Variants in MTMR8 observed in about 807,000 individuals in gnomAD.
MTMR8 encodes myotubularin related protein 8, also known as phosphatidylinositol-3,5-bisphosphate 3-phosphatase MTMR8.
A neutral mutation model predicts 39.3 loss-of-function variants in MTMR8; 65 were observed. That is an observed-to-expected ratio of 1.65 (90% CI 1.35 to 2.03). The LOEUF is 2.03. Ranked by LOEUF, MTMR8 falls within the 30% of genes most tolerant of loss-of-function variation. The pLI is 0.00. For synonymous variants in MTMR8, 245 were observed against 185.2 expected (o/e 1.32, Z -2.62); for missense variants, 777 against 538.9 (o/e 1.44, Z -4.37).
At chrX:64,387,873 A>T (rs1010551463) in intron 1 of MTMR8, among the ~76,000 whole-genome samples, 2 of 110,278 alleles carry the variant, frequency 1.8e-5, no homozygotes, top group Non-Finnish European at 3.8e-5. Context: ...AGATGAAAAA[A>T]GAGAGAAAAG....
At chrX:64,277,949 C>T (rs774337349) in intron 12 of MTMR8, among the ~76,000 whole-genome samples, 1 of 109,420 alleles carries the variant, frequency 9.1e-6, no homozygotes, top group East Asian at 2.9e-4. Context: ...TTTCTCTAAT[C>T]TTGTCTTCCT....
intron 4 of MTMR8, among the ~76,000 whole-genome samples, chrX:64,350,432 T>C (rs1336903970): frequency 8.9e-6 from 1 of 111,802 alleles, no homozygotes; most frequent in Non-Finnish European, 1.9e-5. Context: ...TGGGGTTTTA[T>C]GTGTGTTTCT....
chrX:64,304,084 C>T (rs1162733577), intron 12 of MTMR8, among the ~76,000 whole-genome samples: 1 of 112,052 alleles, frequency 8.9e-6, no homozygotes, highest in Admixed American at 9.5e-5. Flanking sequence ...AACATTCATT[C>T]AGTGCAAATG....
intron 8 of MTMR8, among the ~76,000 whole-genome samples, chrX:64,340,659 AC>A (rs1240851994): frequency 8.0e-5 from 9 of 111,950 alleles, no homozygotes; most frequent in Admixed American, 6.6e-4. Flanking sequence ...AAGTTTTTCA[AC>A]CTTTTTGACT....
At chrX:64,388,731 GCA>G (rs1924623527) in intron 1 of MTMR8, among the ~76,000 whole-genome samples, 1 of 112,370 alleles carries the variant, frequency 8.9e-6, no homozygotes, top group Non-Finnish European at 1.9e-5. Flanking sequence ...GTACACACAT[GCA>G]CACACACAGT....
At chrX:64,324,551 GGCA>G (rs1922736183) in intron 12 of MTMR8, among the ~76,000 whole-genome samples, 1 of 109,849 alleles carries the variant, frequency 9.1e-6, no homozygotes, top group Admixed American at 9.8e-5. Flanking sequence ...CAGATGTGGT[GGCA>G]TGCACCTGTA....
chrX:64,279,663 C>A (rs1421296913), intron 12 of MTMR8, among the ~76,000 whole-genome samples: 4 of 111,621 alleles, frequency 3.6e-5, no homozygotes, highest in African/African-American at 3.3e-5. Context: ...TTGCAAGGGA[C>A]CCTGAATAGC....
At chrX:64,364,102 G>A (rs1923876173) in intron 1 of MTMR8, among the ~76,000 whole-genome samples, 1 of 112,465 alleles carries the variant, frequency 8.9e-6, no homozygotes, top group Admixed American at 9.3e-5. Flanking sequence ...GAACTGGGCA[G>A]AGCCCACTGC....
chrX:64,376,531 G>T (rs887465665), intron 1 of MTMR8, among the ~76,000 whole-genome samples: 1 of 111,858 alleles, frequency 8.9e-6, no homozygotes, highest in Non-Finnish European at 1.9e-5. Context: ...GATGATTGAG[G>T]GTATGTGGCG....
intron 12 of MTMR8, among the ~76,000 whole-genome samples, chrX:64,297,299 A>T: frequency 9.2e-6 from 1 of 109,268 alleles, no homozygotes; most frequent in East Asian, 2.9e-4. Flanking sequence ...AGTATCTCAT[A>T]GTGGTTTTGA....
intron 12 of MTMR8, among the ~76,000 whole-genome samples, chrX:64,275,928 A>G (rs984747399): frequency 3.6e-5 from 4 of 111,809 alleles, no homozygotes; most frequent in African/African-American, 9.7e-5. Flanking sequence ...AAAACTGAAC[A>G]GACTAATATT....
At position 64,349,889 on chromosome X, in the gene MTMR8, C is replaced by A. The variant is rs758671235; in HGVS notation, c.597+53G>T. On this transcript the variant is annotated intron_variant, in intron 5 of 13. Transcript: ENST00000374852. ...CTAAGTGGCAGCATGAAACTTAAAACAGGTCTTCCAGAGCCATGTTTAATT... is the reference window on the plus strand; with the variant it reads ...CTAAGTGGCAGCATGAAACTTAAAAAAGGTCTTCCAGAGCCATGTTTAATT... 1.2e-4 allele frequency: 124 copies of A among 1,022,231 alleles called. No homozygotes were observed. In the Middle Eastern group the frequency reaches 3.1e-3, roughly 25 times the overall value. The allele number at this position is 1,022,231 out of a possible 1,213,427, so 84.2% of individuals were successfully genotyped here.
At chrX:64,326,877 G>A (rs780195094) in intron 12 of MTMR8, among the ~76,000 whole-genome samples, 1 of 109,459 alleles carries the variant, frequency 9.1e-6, no homozygotes, top group African/African-American at 3.3e-5. Flanking sequence ...ATGGAATAGA[G>A]AGCCCAGAAA....
chrX:64,280,296 T>G (rs923792854), intron 12 of MTMR8, among the ~76,000 whole-genome samples: 7 of 111,871 alleles, frequency 6.3e-5, no homozygotes, highest in African/African-American at 2.3e-4. Context: ...GCAAAAATCC[T>G]CAATAAAATA....
intron 12 of MTMR8, among the ~76,000 whole-genome samples, chrX:64,308,560 C>A (rs1418877687): frequency 9.1e-6 from 1 of 110,109 alleles, no homozygotes; most frequent in Non-Finnish European, 1.9e-5. Context: ...TATAGTTATA[C>A]CTATATTTTT....
At chrX:64,378,808 T>C (rs1395763917) in intron 1 of MTMR8, among the ~76,000 whole-genome samples, 2 of 111,245 alleles carry the variant, frequency 1.8e-5, no homozygotes, top group Non-Finnish European at 3.8e-5. Context: ...ATCAATGAAA[T>C]TGATAACAGG....
intron 12 of MTMR8, among the ~76,000 whole-genome samples, chrX:64,300,149 CT>C (rs1921799694): frequency 9.4e-6 from 1 of 105,925 alleles, no homozygotes; most frequent in African/African-American, 3.5e-5. Flanking sequence ...GACTTTCTGT[CT>C]CATTGATCTG....
chrX:64,273,383 T>A (rs1274329379), intron 12 of MTMR8, among the ~76,000 whole-genome samples: 1 of 109,796 alleles, frequency 9.1e-6, no homozygotes, highest in East Asian at 2.8e-4. Context: ...TTAGACATTT[T>A]ATGTAAGCCC....
At chrX:64,349,367 C>T (rs1923425135) in intron 5 of MTMR8, among the ~76,000 whole-genome samples, 1 of 111,643 alleles carries the variant, frequency 9.0e-6, no homozygotes, top group Non-Finnish European at 1.9e-5. Flanking sequence ...GGTCAACTCA[C>T]TTCAATAATA....
Sources: allele counts gnomAD v4.1 joint callset (sites outside exome capture counted in the v4.1 genomes callset), GRCh38; gene constraint gnomAD v4.1.1; transcripts MANE v1.5; gene names NCBI Gene and HGNC (gene_info 2026-07-23, HGNC 2026-07-21).